Variants in LTBP1 observed in about 807,000 individuals in gnomAD.
LTBP1 encodes latent transforming growth factor beta binding protein 1.
Under a neutral mutation model 207.6 loss-of-function variants are expected in LTBP1, and 129 were observed. The ratio of observed to expected loss-of-function variants is 0.62; its 90% CI spans 0.54 to 0.72. The LOEUF is 0.72. LTBP1 is among the 30% of genes least tolerant of loss of function. The pLI, the probability that LTBP1 is intolerant of heterozygous loss-of-function variation, is 0.00. For missense variants in LTBP1, 2,281 were observed against 2,217.2 expected (o/e 1.03, Z -0.58); for synonymous variants, 963 against 833.7 (o/e 1.16, Z -2.67).
chr2:33,193,486 G>T (rs181055418), intron 7 of LTBP1, among the ~76,000 whole-genome samples: 1 of 152,096 alleles, frequency 6.6e-6, no homozygotes, highest in African/African-American at 2.4e-5. Context: ...AAAGTTTTAG[G>T]GGTGAAATTC....
chr2:33,132,884 C>T (rs1434589499), intron 4 of LTBP1, among the ~76,000 whole-genome samples: 2 of 152,226 alleles, frequency 1.3e-5, no homozygotes, highest in East Asian at 3.9e-4. Context: ...ATTTGAAGGG[C>T]TGTCATGTGG....
At position 33,257,366 on chromosome 2, in the gene LTBP1, A is replaced by G. The variant is rs1292364762; in HGVS notation, c.2250A>G (p.Val750=). The G allele has an allele frequency of 1.9e-6, 3 of 1,614,184 alleles. No homozygotes were observed. The highest frequency in any genetic ancestry group is 2.5e-6 in the Non-Finnish European group (3 of 1,179,998). ...VHRRRPIHHH[V]GKGPVFVKPK... is the part of the protein sequence containing the mutation. ...GACGCAGGCCAATCCATCACCATGTAGGTAAAGGACCTGTATTTGTCAAGC... is the reference window on the plus strand; with the variant it reads ...GACGCAGGCCAATCCATCACCATGTGGGTAAAGGACCTGTATTTGTCAAGC... The change falls in exon 12 of 34, where the codon GTA becomes GTG. Residue 750 remains valine, a synonymous_variant. Transcript: ENST00000404816.
intron 5 of LTBP1, among the ~76,000 whole-genome samples, chr2:33,157,890 C>G (rs141657589): frequency 1.3e-5 from 2 of 151,964 alleles, no homozygotes; most frequent in African/African-American, 2.4e-5. Context: ...GCCTGTAATC[C>G]CAGCACTTTG....
At chr2:32,957,019 T>G (rs1348048026) in intron 2 of LTBP1, among the ~76,000 whole-genome samples, 1 of 152,238 alleles carries the variant, frequency 6.6e-6, no homozygotes, top group African/African-American at 2.4e-5. Context: ...CAGTTAACCA[T>G]GCTGTAAACA....
At chr2:33,026,372 G>T (rs1462908405) in intron 3 of LTBP1, among the ~76,000 whole-genome samples, 1 of 152,058 alleles carries the variant, frequency 6.6e-6, no homozygotes, top group Non-Finnish European at 1.5e-5. Flanking sequence ...ACACAGAAAG[G>T]CTCCAATCAA....
At chr2:33,109,436 G>A (rs1351493753) in intron 3 of LTBP1, among the ~76,000 whole-genome samples, 1 of 152,196 alleles carries the variant, frequency 6.6e-6, no homozygotes, top group Non-Finnish European at 1.5e-5. Context: ...TAGCAATTTT[G>A]CATATTCTGG....
chr2:32,994,419 A>T (rs553704644), intron 2 of LTBP1, among the ~76,000 whole-genome samples: 1 of 152,150 alleles, frequency 6.6e-6, no homozygotes, highest in Admixed American at 6.5e-5. Flanking sequence ...AACCAAGATT[A>T]TACCATCTGT....
intron 2 of LTBP1, among the ~76,000 whole-genome samples, chr2:32,999,568 A>AG (rs1685786947): frequency 7.5e-6 from 1 of 133,988 alleles, no homozygotes; most frequent in East Asian, 3.9e-4. Flanking sequence ...AGGCTCCAGG[A>AG]GGGAAGGCTC....
intron 5 of LTBP1, among the ~76,000 whole-genome samples, chr2:33,177,744 A>G (rs1215177230): frequency 1.3e-5 from 2 of 152,224 alleles, no homozygotes; most frequent in African/African-American, 2.4e-5. Context: ...CCATCTGCCA[A>G]TGGAATATTA....
intron 24 of LTBP1, among the ~76,000 whole-genome samples, chr2:33,317,351 T>C (rs1301759607): frequency 6.6e-6 from 1 of 152,268 alleles, no homozygotes; most frequent in Non-Finnish European, 1.5e-5. Context: ...GTTGGTATTA[T>C]ACATGGTAGT....
intron 7 of LTBP1, among the ~76,000 whole-genome samples, chr2:33,190,850 G>C (rs984015672): frequency 6.6e-6 from 1 of 152,168 alleles, no homozygotes. Context: ...GACTACAGGG[G>C]ACCTAACGTG....
intron 29 of LTBP1, 80 bp from the exon 30 acceptor site, chr2:33,364,136 G>A (rs2094956997): frequency 7.2e-7 from 1 of 1,382,858 alleles, no homozygotes; most frequent in African/African-American, 1.4e-5. Flanking sequence ...ACTAAATATA[G>A]CAATGTGTAA....
chr2:33,082,405 AG>A, intron 3 of LTBP1, among the ~76,000 whole-genome samples: 1 of 150,040 alleles, frequency 6.7e-6, no homozygotes, highest in African/African-American at 2.5e-5. Context: ...CAGTCCACAA[AG>A]TTAACCGTGG....
At chr2:33,063,853 C>CTTTTTTT (rs58115868) in intron 3 of LTBP1, among the ~76,000 whole-genome samples, 3 of 147,580 alleles carry the variant, frequency 2.0e-5, no homozygotes, top group Non-Finnish European at 1.5e-5. Context: ...ATTGTATATT[C>CTTTTTTT]TTTTTTTTTT....
chr2:33,151,823 TTGTGTGTGTG>T (rs10526529), intron 5 of LTBP1, among the ~76,000 whole-genome samples: 31,741 of 128,930 alleles, frequency 0.25, 3,934 homozygotes, highest in Admixed American at 0.36. Flanking sequence ...GTATTCCATT[TTGTGTGTGTG>T]TGTGTGTGTG....
At chr2:32,950,845 AAGAGGATAG>A (rs1282992154) in intron 2 of LTBP1, among the ~76,000 whole-genome samples, 3 of 152,206 alleles carry the variant, frequency 2.0e-5, no homozygotes, top group Non-Finnish European at 4.4e-5. Flanking sequence ...TGTCTCTGAA[AAGAGGATAG>A]GCCCCCATTT....
chr2:33,020,330 G>T (rs1344924606), intron 2 of LTBP1, among the ~76,000 whole-genome samples: 2 of 152,038 alleles, frequency 1.3e-5, no homozygotes, highest in African/African-American at 4.8e-5. Flanking sequence ...TTGGGGATTG[G>T]ACTGAACTTT....
At chr2:33,093,402 A>G (rs1558627559) in intron 3 of LTBP1, among the ~76,000 whole-genome samples, 1 of 152,014 alleles carries the variant, frequency 6.6e-6, no homozygotes, top group African/African-American at 2.4e-5. Flanking sequence ...CGCCTGGTGG[A>G]AACAGTTGAA....
Position 33,187,042 on chromosome 2 carries a change from C to T in LTBP1, c.1388C>T (p.Thr463Ile). 6.2e-7 allele frequency: 1 copy of T among 1,614,174 alleles called. No individual in the cohort carries two copies. The highest frequency in any genetic ancestry group is 8.5e-7 in the Non-Finnish European group (1 of 1,180,020). ...LGTHVIHSTH[T>I]LPLTVTSQQG... ...ACGCATGTCATCCATTCAACACATA[C>T]CTTGCCTCTGACCGTGACTAGCCAG... The change falls in exon 6 of 34, where the codon ACC becomes ATC. Residue 463 changes from threonine (T) to isoleucine (I), a missense_variant. By Grantham distance (89) the Thr-to-Ile change is moderately conservative. Transcript: ENST00000404816.
Sources: gnomAD v4.1 joint callset for allele counts (sites outside exome capture counted in the v4.1 genomes callset) on GRCh38, gnomAD v4.1.1 for gene constraint, MANE v1.5 for transcripts, NCBI Gene and HGNC (gene_info 2026-07-23, HGNC 2026-07-21) for gene names.